Variants in CFTR observed in about 807,000 individuals in gnomAD.
CFTR encodes CF transmembrane conductance regulator, also known as cystic fibrosis transmembrane conductance regulator.
In CFTR, 181 loss-of-function variants were observed where a neutral mutation model predicts 171.6. That is an observed-to-expected ratio of 1.05 (90% CI 0.93 to 1.19). CFTR has a LOEUF of 1.19. CFTR is among the 50% of genes most tolerant of loss of function. The pLI is 0.00. For missense variants in CFTR, 1,968 were observed against 1,734.7 expected (o/e 1.13, Z -2.39); for synonymous variants, 583 against 608.0 (o/e 0.96, Z 0.60).
At chr7:117,534,151 A>C (rs1798907012) in intron 4 of CFTR, 125 bp from the exon 5 acceptor site, 2 of 629,646 alleles carry the variant, frequency 3.2e-6, no homozygotes, top group South Asian at 1.9e-5. Flanking sequence ...TGAATAGAAT[A>C]TAATTTTCAT....
At position 117,667,172 on chromosome 7, in the gene CFTR, C is replaced by T. The variant is rs1446728782; in HGVS notation, c.*64C>T. On this transcript the variant is annotated 3_prime_UTR_variant, in exon 27 of 27. Transcript: ENST00000003084. The stretch of plus-strand genomic sequence containing the variant: ...GAATTGGAGCTCGTGGGACAGTCAC[C>T]TCATGGAATTGGAGCTCGTGGAACA... 1.4e-6 allele frequency: 2 copies of T among 1,431,676 alleles called. No individual in the cohort carries two copies. The highest frequency in any genetic ancestry group is 2.0e-6 in the Non-Finnish European group (2 of 1,021,886). 88.7% of individuals were successfully genotyped at this position (1,431,676 alleles called of 1,614,324 possible).
chr7:117,612,998 A>G (rs1454419442), intron 20 of CFTR, among the ~76,000 whole-genome samples: 2 of 152,064 alleles, frequency 1.3e-5, no homozygotes, highest in Non-Finnish European at 2.9e-5. Flanking sequence ...CAGGGGTCCA[A>G]CTGCAGTCTA....
intron 20 of CFTR, among the ~76,000 whole-genome samples, chr7:117,613,573 T>A (rs1792437015): frequency 6.6e-6 from 1 of 152,164 alleles, no homozygotes. Context: ...AAATACTAAA[T>A]AAATGTTATC....
intron 1 of CFTR, among the ~76,000 whole-genome samples, 155 bp from the exon 2 acceptor site, chr7:117,504,098 G>C (rs1015168255): frequency 2.6e-5 from 4 of 152,278 alleles, no homozygotes; most frequent in Non-Finnish European, 5.9e-5. Context: ...GCCTGTAAGA[G>C]ATGAAGCCTG....
intron 11 of CFTR, among the ~76,000 whole-genome samples, chr7:117,571,827 A>G (rs1791693917): frequency 6.6e-6 from 1 of 152,116 alleles, no homozygotes; most frequent in Non-Finnish European, 1.5e-5. Context: ...TATATATTAT[A>G]TATAAAACTG....
rs1303156616 is a variant in CFTR, at chr7:117,664,812, A to G, written c.4088A>G (p.Lys1363Arg). ...LMCLARSVLS[K>R]AKILLLDEPS... ...TGCTTGGCTAGATCTGTTCTCAGTA[A>G]GGCGAAGATCTTGCTGCTTGATGAA... The change falls in exon 25 of 27, where the codon AAG becomes AGG. Residue 1363 changes from lysine to arginine, a missense_variant. By Grantham distance (26) the Lys-to-Arg change is conservative (BLOSUM62 2). Coordinates refer to ENST00000003084, the MANE Select transcript of CFTR (RefSeq NM_000492.4). 1.9e-6 allele frequency: 3 copies of G among 1,613,938 alleles called. No homozygotes were observed. Among genetic ancestry groups the G allele is most frequent in the African/African-American group, 1.3e-5 (1 of 74,900 alleles).
chr7:117,654,693 T>C (rs563415309), intron 24 of CFTR, among the ~76,000 whole-genome samples: 5 of 152,298 alleles, frequency 3.3e-5, no homozygotes, highest in Non-Finnish European at 5.9e-5. Context: ...ATTGTAAGTT[T>C]CCTGAGGCCT....
chr7:117,614,560 C>T (rs2031959185), intron 20 of CFTR, 53 bp from the exon 21 acceptor site: 1 of 1,173,532 alleles, frequency 8.5e-7, no homozygotes, highest in African/African-American at 1.5e-5. Flanking sequence ...TAAAGTCGTT[C>T]ACAGAAGAGA....
At chr7:117,643,757 GTGT>G (rs1792954812) in intron 23 of CFTR, among the ~76,000 whole-genome samples, 1 of 152,198 alleles carries the variant, frequency 6.6e-6, no homozygotes, top group Non-Finnish European at 1.5e-5. Flanking sequence ...TGATAGAGAA[GTGT>G]TGTTATTCAG....
At chr7:117,633,858 T>G (rs1792787342) in intron 22 of CFTR, among the ~76,000 whole-genome samples, 1 of 152,074 alleles carries the variant, frequency 6.6e-6, no homozygotes. Flanking sequence ...CCCGTTTGGT[T>G]GTGGTATATA....
intron 10 of CFTR, among the ~76,000 whole-genome samples, chr7:117,554,453 T>C (rs1562896874): frequency 6.6e-6 from 1 of 152,128 alleles, no homozygotes; most frequent in East Asian, 1.9e-4. Context: ...AGGTTTTGGA[T>C]GGAGCTTGGT....
At position 117,480,158 on chromosome 7, in the gene CFTR, G is replaced by A. The variant is rs1166852332; in HGVS notation, c.53+11G>A. The A allele has an allele frequency of 2.5e-6, 4 of 1,613,606 alleles. No homozygotes were observed. In the African/African-American group the frequency reaches 5.3e-5, roughly 22 times the overall value. On this transcript the variant is annotated intron_variant, in intron 1 of 26. Transcript: ENST00000003084. ...CAAACTTTTTTTCAGGTGAGAAGGT[G>A]GCCAACCGAGCTTCGGAAAGACACG...
chr7:117,538,365 A>G (rs1798992272), intron 7 of CFTR, among the ~76,000 whole-genome samples: 1 of 152,186 alleles, frequency 6.6e-6, no homozygotes, highest in African/African-American at 2.4e-5. Flanking sequence ...ACAAACTGAT[A>G]TATTTTTATG....
rs397508535 is a variant in CFTR at position 117,611,740 on chromosome 7, A to C, written c.3299A>C (p.Gln1100Pro). ...TACCTGTCAACACTGCGCTGGTTCCAAATGAGAATAGAAATGATTTTTGTC... is the reference window on the plus strand; with the variant it reads ...TACCTGTCAACACTGCGCTGGTTCCCAATGAGAATAGAAATGATTTTTGTC... Reference protein sequence around the residue: ...FLYLSTLRWFQMRIEMIFVIF... With the variant: ...FLYLSTLRWFPMRIEMIFVIF... Residue 1100 changes from glutamine to proline, a missense_variant, in exon 20 of 27, where the codon CAA (glutamine) becomes CCA (proline). Transcript: ENST00000003084. 1.2e-6 allele frequency: 2 copies of C among 1,613,586 alleles called. No individual in the cohort carries two copies. Among genetic ancestry groups the C allele is most frequent in the Admixed American group, 3.3e-5 (2 of 59,900 alleles).
chr7:117,602,835 T>G lies in CFTR; in HGVS notation c.2629T>G (p.Ser877Ala), dbSNP rs761531223. 5.0e-6 allele frequency: 8 copies of G among 1,613,890 alleles called. No individual in the cohort carries two copies. Among genetic ancestry groups the G allele is most frequent in the South Asian group, 4.4e-5 (4 of 91,090 alleles). The change falls in exon 16 of 27, where the codon TCT becomes GCT. Residue 877 changes from serine to alanine, a missense_variant. By Grantham distance (99) the Ser-to-Ala change is moderately conservative. Transcript: ENST00000003084. ...TCTTGTTCCATTCCAGGTGGCTGCTTCTTTGGTTGTGCTGTGGCTCCTTGG... is the reference window on the plus strand; with the variant it reads ...TCTTGTTCCATTCCAGGTGGCTGCTGCTTTGGTTGTGCTGTGGCTCCTTGG... ...LVIFLAEVAA[S>A]LVVLWLLGNT...
At chr7:117,604,056 T>G (rs535058809) in intron 17 of CFTR, among the ~76,000 whole-genome samples, 1 of 152,340 alleles carries the variant, frequency 6.6e-6, no homozygotes, top group African/African-American at 2.4e-5. Context: ...TATGGGTCAG[T>G]CATACCTCTC....
chr7:117,563,839 C>G (rs1312090382), intron 11 of CFTR, among the ~76,000 whole-genome samples: 1 of 152,058 alleles, frequency 6.6e-6, no homozygotes, highest in Admixed American at 6.6e-5. Flanking sequence ...TCCCTGTTCC[C>G]TTTTTTGTCC....
chr7:117,560,876 G>A (rs989456360), intron 11 of CFTR: 1 of 152,036 alleles, frequency 6.6e-6, no homozygotes, highest in East Asian at 1.9e-4. Context: ...GAGGGGACTA[G>A]GTTGTAGCAG....
In CFTR at chr7:117,608,964, T is replaced by TA. The variant is rs755522266; in HGVS notation, c.2989-1551dup. Among the ~76,000 whole-genome samples, 8 of 152,326 alleles carry TA rather than the reference T, an allele frequency of 5.3e-5. No homozygotes were observed. In the East Asian group the frequency reaches 1.5e-3, roughly 29 times the overall value. On this transcript the variant is annotated intron_variant, in intron 18 of 26. Transcript: ENST00000003084. ...TACCCTCTTAACAGATTTTTATGTG[T>TA]AAAATACAATATTGTTCACCATGGG...
Sources: allele counts gnomAD v4.1 joint callset (sites outside exome capture counted in the v4.1 genomes callset), GRCh38; gene constraint gnomAD v4.1.1; transcripts MANE v1.5; gene names NCBI Gene and HGNC (gene_info 2026-07-23, HGNC 2026-07-21).